Variants in SCGB1D4 observed in about 807,000 individuals in gnomAD.
SCGB1D4 encodes the protein secretoglobin family 1D member 4.
Under a neutral mutation model 8.1 loss-of-function variants are expected in SCGB1D4, and 6 were observed. That is an observed-to-expected ratio of 0.74 (90% CI 0.40 to 1.45). SCGB1D4 has a LOEUF of 1.45. Among genes scored for constraint, SCGB1D4 ranks in the 40% most tolerant of loss-of-function variants. The pLI is 0.02. For synonymous variants in SCGB1D4, 34 were observed against 38.1 expected (o/e 0.89, Z 0.39); for missense variants, 93 against 95.0 (o/e 0.98, Z 0.09).
chr11:62,297,484 A>C lies in SCGB1D4; in HGVS notation c.230T>G (p.Leu77Trp), dbSNP rs752084403. 1 of 1,610,726 alleles carries C rather than the reference A, an allele frequency of 6.2e-7. No homozygotes were observed. Among genetic ancestry groups the C allele is most frequent in the Non-Finnish European group, 8.5e-7 (1 of 1,178,556 alleles). The stretch of plus-strand genomic sequence containing the variant: ...AGAAAGAAATTACCAGGACTTTTTC[A>C]ATGAGAGTCGTTTCTTAAAAGATAT... ...DQISFKKRLS[L>W]KKSWWK The change falls in exon 2 of 3, where the codon TTG (leucine) becomes TGG (tryptophan). Residue 77 changes from leucine (L) to tryptophan (W), a missense_variant. Leu to Trp is a moderately conservative substitution (Grantham distance 61). Transcript: ENST00000358585.
intron 2 of SCGB1D4, 55 bp downstream of exon 2, chr11:62,297,417 A>C: frequency 7.5e-7 from 1 of 1,329,536 alleles, no homozygotes; most frequent in Non-Finnish European, 1.1e-6. Flanking sequence ...AACATGCAGG[A>C]GGCTGTGTGC....
rs753334340 is a variant in SCGB1D4 at position 62,297,489 on chromosome 11, G to C, written c.225C>G (p.Leu75=). Residue 75 remains leucine, a synonymous_variant, in exon 2 of 3, where the codon CTC becomes CTG. Coordinates refer to ENST00000358585, the MANE Select transcript of SCGB1D4 (RefSeq NM_206998.2). The part of the protein sequence containing the change: ...CTDQISFKKR[L]SLKKSWWK ...GAAATTACCAGGACTTTTTCAATGA[G>C]AGTCGTTTCTTAAAAGATATCTGAT... 7 of 1,610,910 alleles carry C rather than the reference G, an allele frequency of 4.3e-6. No individual in the cohort carries two copies. Among genetic ancestry groups the C allele is most frequent in the African/African-American group, 1.3e-5 (1 of 74,750 alleles).
chr11:62,298,057 T>G lies in SCGB1D4; in HGVS notation c.56-399A>C, dbSNP rs938790520. ...GTGTGTGTGTGTGTGTTTTGTTTTG[T>G]TTTTTTTTTTTGTAGAGATGGGGTT... is the stretch of plus-strand genomic sequence containing the variant. On this transcript the variant is annotated intron_variant, in intron 1 of 2. Coordinates refer to ENST00000358585, the MANE Select transcript of SCGB1D4 (RefSeq NM_206998.2). 6.4e-5 allele frequency among the ~76,000 whole-genome samples: 9 copies of G among 141,188 alleles called. 1 individual carries two copies. The highest frequency in any genetic ancestry group is 2.1e-4 in the Admixed American group (3 of 14,158). 92.6% of individuals were successfully genotyped at this position (141,188 alleles called of 152,430 possible). A position where few individuals can be genotyped will look rare whatever the true frequency, so the allele number is the denominator to read the frequency against.
intron 2 of SCGB1D4, among the ~76,000 whole-genome samples, 168 bp downstream of exon 2, chr11:62,297,304 G>A (rs1044972787): frequency 5.9e-5 from 9 of 152,182 alleles, no homozygotes; most frequent in African/African-American, 1.9e-4. Flanking sequence ...GCAGGGAGGC[G>A]GCCGTGCTTG....
chr11:62,297,667 C>T lies in SCGB1D4; in HGVS notation c.56-9G>A. The stretch of plus-strand genomic sequence containing the variant: ...GCAGACAAGAGCATGGGCTGCAGCA[C>T]AAAAATAAAAATATTGTTGATGTTA... On this transcript the variant is annotated splice_polypyrimidine_tract_variant and intron_variant, in intron 1 of 2. Transcript: ENST00000358585. 1 of 1,605,738 alleles carries T rather than the reference C, an allele frequency of 6.2e-7. No homozygotes were observed. The highest frequency in any genetic ancestry group is 8.5e-7 in the Non-Finnish European group (1 of 1,177,058).
Position 62,299,001 on chromosome 11 carries a change from A to T in SCGB1D4, c.10T>A (p.Ser4Thr). The T allele has an allele frequency of 6.2e-7, 1 of 1,613,844 alleles. No individual in the cohort carries two copies. Among genetic ancestry groups the T allele is most frequent in the East Asian group, 2.2e-5 (1 of 44,862 alleles). The change falls in exon 1 of 3, where the codon TCA (serine) becomes ACA (threonine). Residue 4 changes from serine (S) to threonine (T), a missense_variant. By Grantham distance (58) the Ser-to-Thr change is moderately conservative. Transcript: ENST00000358585. MRLSVCLLMVSLAL... is the reference protein window; with the variant it reads MRLTVCLLMVSLAL... ...AGCGAGACCATCAGGAGACACACTG[A>T]CAGCCTCATGGTGGCTTATTCGGCT...
chr11:62,298,409 C>G (rs1945461824), intron 1 of SCGB1D4, among the ~76,000 whole-genome samples: 1 of 152,154 alleles, frequency 6.6e-6, no homozygotes, highest in Admixed American at 6.5e-5. Flanking sequence ...GAATTCCTAA[C>G]ATTTGCCTGA....
chr11:62,298,783 GA>G (rs1263655296), intron 1 of SCGB1D4, among the ~76,000 whole-genome samples, 172 bp downstream of exon 1: 2 of 147,994 alleles, frequency 1.4e-5, no homozygotes, highest in African/African-American at 2.5e-5. Context: ...AAAGGAAGAA[GA>G]AAGAAGAAAT....
chr11:62,298,736 G>A (rs1227431990), intron 1 of SCGB1D4, among the ~76,000 whole-genome samples: 1 of 138,532 alleles, frequency 7.2e-6, no homozygotes, highest in Admixed American at 7.4e-5. Flanking sequence ...TCCAGCCTGG[G>A]CAACAAGAGC....
intron 2 of SCGB1D4, 57 bp downstream of exon 2, chr11:62,297,415 G>A: frequency 7.5e-7 from 1 of 1,328,196 alleles, no homozygotes; most frequent in Non-Finnish European, 1.1e-6. Context: ...GAAACATGCA[G>A]GAGGCTGTGT....
intron 2 of SCGB1D4, among the ~76,000 whole-genome samples, chr11:62,296,827 A>C (rs1945444627): frequency 6.6e-6 from 1 of 151,652 alleles, no homozygotes. Context: ...CTTCCAGGAG[A>C]CTCCAGTCTT....
At position 62,298,010 on chromosome 11, in the gene SCGB1D4, T is replaced by TTGTGTGTGTGTGTG. The variant is rs71458409; in HGVS notation, c.56-366_56-353dup. ...CCAGTGCCTGCCACCATGCCCGCTT[T>TTGTGTGTGTGTGTG]TGTGTGTGTGTGTGTGTGTGTGTGT... On this transcript the variant is annotated intron_variant, in intron 1 of 2. Coordinates refer to ENST00000358585, the MANE Select transcript of SCGB1D4 (RefSeq NM_206998.2). Among the ~76,000 whole-genome samples, 119 of 116,220 alleles carry TTGTGTGTGTGTGTG rather than the reference T, an allele frequency of 1.0e-3. 1 individual carries two copies. Among genetic ancestry groups the TTGTGTGTGTGTGTG allele is most frequent in the African/African-American group, 3.9e-3 (116 of 30,110 alleles). The allele number at this position is 116,220 out of a possible 152,430, so 76.2% of individuals were successfully genotyped here.
intron 1 of SCGB1D4, 60 bp downstream of exon 1, chr11:62,298,896 T>C (rs1245205449): frequency 1.2e-5 from 18 of 1,552,164 alleles, no homozygotes; most frequent in Non-Finnish European, 1.5e-5. Flanking sequence ...TAGGTGATCT[T>C]GTGCTCAGAA....
chr11:62,298,010 T>TTGTGTGTGTGTGTGTGTG (rs71458409), intron 1 of SCGB1D4, among the ~76,000 whole-genome samples: 1 of 116,234 alleles, frequency 8.6e-6, no homozygotes, highest in African/African-American at 3.3e-5. Context: ...ATGCCCGCTT[T>TTGTGTGTGTGTGTGTGTG]TGTGTGTGTG....
chr11:62,297,810 T>C (rs745675381), intron 1 of SCGB1D4, 152 bp from the exon 2 acceptor site: 1 of 623,832 alleles, frequency 1.6e-6, no homozygotes, highest in Non-Finnish European at 2.8e-6. Flanking sequence ...AGGTGTGACT[T>C]TCTCCGGGTC....
intron 1 of SCGB1D4, 123 bp from the exon 2 acceptor site, chr11:62,297,781 T>C (rs1945454871): frequency 1.4e-6 from 1 of 734,056 alleles, no homozygotes; most frequent in Non-Finnish European, 2.2e-6. Context: ...ATTGTGCTGA[T>C]GACAATACCA....
chr11:62,296,569 GC>G, intron 2 of SCGB1D4, 150 bp from the exon 3 acceptor site: 1 of 747,922 alleles, frequency 1.3e-6, no homozygotes, highest in Non-Finnish European at 2.2e-6. Context: ...GGAAACTGAG[GC>G]CTAGACCTGG....
At chr11:62,297,867 CT>C (rs964506259) in intron 1 of SCGB1D4, among the ~76,000 whole-genome samples, 1 of 151,380 alleles carries the variant, frequency 6.6e-6, no homozygotes, top group Non-Finnish European at 1.5e-5. Flanking sequence ...ACTTCTTTTT[CT>C]TTTTTTTGAG....
At chr11:62,298,366 C>T (rs1953454030) in intron 1 of SCGB1D4, among the ~76,000 whole-genome samples, 1 of 152,180 alleles carries the variant, frequency 6.6e-6, no homozygotes. Context: ...TCATCTGACA[C>T]AGATCCCATT....
Sources: allele counts gnomAD v4.1 joint callset (sites outside exome capture counted in the v4.1 genomes callset), GRCh38; gene constraint gnomAD v4.1.1; transcripts MANE v1.5; gene names NCBI Gene and HGNC (gene_info 2026-07-23, HGNC 2026-07-21).